CDIN1: variants seen among roughly 807,000 people sequenced by gnomAD.
CDIN1 encodes the protein CDAN1 interacting nuclease 1.
Under a neutral mutation model 45.3 loss-of-function variants are expected in CDIN1, and 33 were observed. The ratio of observed to expected loss-of-function variants is 0.73; its 90% CI spans 0.55 to 0.97. CDIN1 has a LOEUF of 0.97. CDIN1 is among the 50% of genes least tolerant of loss of function. The pLI, the probability that CDIN1 is intolerant of heterozygous loss-of-function variation, is 0.00. For missense variants in CDIN1, 303 were observed against 339.4 expected (o/e 0.89, Z 0.84); for synonymous variants, 118 against 124.4 (o/e 0.95, Z 0.34).
At chr15:36,619,351 G>C in intron 1 of CDIN1, 1 of 454,770 alleles carries the variant, frequency 2.2e-6, no homozygotes, top group Non-Finnish European at 3.8e-6. Flanking sequence ...TTGGAGGGGA[G>C]AGGGTAACCA....
In CDIN1 at chr15:36,604,418, TACACACACACACACACACACACACAC is replaced by T. The variant is rs144533313; in HGVS notation, c.101+24471_101+24496del. Among the ~76,000 whole-genome samples, 5 of 128,860 alleles carry T rather than the reference TACACACACACACACACACACACACAC, an allele frequency of 3.9e-5. No homozygotes were observed. In the East Asian group the frequency reaches 7.4e-4, roughly 19 times the overall value. The allele number at this position is 128,860 out of a possible 152,430, so 84.5% of individuals were successfully genotyped here. Reference sequence around the variant, plus strand: ...ATGTTCTTCTATGACTTTTAAAAGGTACACACACACACACACACACACACACACACACACACACATTTTAGAGTAAA... The same window carrying T: ...ATGTTCTTCTATGACTTTTAAAAGGTACACACACACACATTTTAGAGTAAA... On this transcript the variant is annotated intron_variant, in intron 1 of 10. Transcript: ENST00000566621.
intron 5 of CDIN1, among the ~76,000 whole-genome samples, chr15:36,664,755 C>G (rs1426192001): frequency 6.6e-6 from 1 of 152,124 alleles, no homozygotes; most frequent in Non-Finnish European, 1.5e-5. Flanking sequence ...ACCATGTTAG[C>G]CAGGATGGTC....
intron 5 of CDIN1, among the ~76,000 whole-genome samples, chr15:36,686,158 G>C (rs370559424): frequency 5.3e-5 from 8 of 151,990 alleles, no homozygotes; most frequent in African/African-American, 1.5e-4. Flanking sequence ...TTGGAACCAA[G>C]CCAAATGTCC....
At chr15:36,643,867 C>G (rs1267309125) in intron 1 of CDIN1, among the ~76,000 whole-genome samples, 1 of 152,216 alleles carries the variant, frequency 6.6e-6, no homozygotes, top group Non-Finnish European at 1.5e-5. Flanking sequence ...TGTCTGCTAA[C>G]AAAATTAATT....
At chr15:36,637,960 AAGG>A (rs2039967904) in intron 1 of CDIN1, among the ~76,000 whole-genome samples, 1 of 152,122 alleles carries the variant, frequency 6.6e-6, no homozygotes, top group Admixed American at 6.6e-5. Flanking sequence ...TGTGAGAGGG[AAGG>A]AGGGTAGTGA....
intron 8 of CDIN1, chr15:36,707,750 A>G (rs991604128): frequency 6.6e-6 from 1 of 152,196 alleles, no homozygotes; most frequent in Non-Finnish European, 1.5e-5. Context: ...CGGAAACATC[A>G]GCTTAAGGCA....
In CDIN1 at chr15:36,645,229, A is replaced by T; in HGVS notation, c.154A>T (p.Ile52Phe). ...SIFSQEYQKHIKRTHAKHHTS... is the reference protein window; with the variant it reads ...SIFSQEYQKHFKRTHAKHHTS... ...GTTGTTTTTTTTCTTTCAGAAACAC[A>T]TTAAAAGAACACATGCCAAACATCA... The change falls in exon 3 of 11, where the codon ATT (isoleucine) becomes TTT (phenylalanine). Residue 52 changes from isoleucine (I) to phenylalanine (F), a missense_variant. Ile to Phe is a conservative substitution (Grantham distance 21, BLOSUM62 0). Coordinates refer to ENST00000566621, the MANE Select transcript of CDIN1 (RefSeq NM_001321759.2). The T allele has an allele frequency of 6.4e-7, 1 of 1,552,040 alleles. No individual in the cohort carries two copies. The highest frequency in any genetic ancestry group is 1.4e-5 in the African/African-American group (1 of 73,168).
At chr15:36,746,922 CTA>C in intron 10 of CDIN1, 1 of 397,976 alleles carries the variant, frequency 2.5e-6, no homozygotes. Flanking sequence ...GCTAATTTTT[CTA>C]TGTTTTGTAG....
intron 1 of CDIN1, among the ~76,000 whole-genome samples, chr15:36,630,669 A>G (rs2039641636): frequency 6.6e-6 from 1 of 152,184 alleles, no homozygotes; most frequent in Non-Finnish European, 1.5e-5. Flanking sequence ...TATGTTATAA[A>G]GAAAAAAGCT....
intron 10 of CDIN1, among the ~76,000 whole-genome samples, chr15:36,722,591 C>T (rs145711951): frequency 1.3e-4 from 20 of 152,280 alleles, no homozygotes; most frequent in African/African-American, 4.6e-4. Context: ...TTCACAGCAG[C>T]TATGCTTTTT....
chr15:36,790,923 G>T (rs2054629151), intron 10 of CDIN1, among the ~76,000 whole-genome samples: 1 of 152,160 alleles, frequency 6.6e-6, no homozygotes, highest in Non-Finnish European at 1.5e-5. Flanking sequence ...ACAGGAGCTT[G>T]TTGTACAGAT....
intron 10 of CDIN1, among the ~76,000 whole-genome samples, chr15:36,750,848 C>T (rs1364796251): frequency 2.0e-5 from 3 of 152,074 alleles, no homozygotes; most frequent in Non-Finnish European, 4.4e-5. Flanking sequence ...ACCTACAAAA[C>T]TTATTAGGAA....
intron 10 of CDIN1, among the ~76,000 whole-genome samples, chr15:36,785,905 C>CAGAATA (rs2054478230): frequency 2.6e-5 from 4 of 152,096 alleles, no homozygotes; most frequent in Admixed American, 2.6e-4. Context: ...TGGCACAGAC[C>CAGAATA]CCTGTAAGAG....
At chr15:36,787,695 A>G (rs2054527124) in intron 10 of CDIN1, among the ~76,000 whole-genome samples, 1 of 152,134 alleles carries the variant, frequency 6.6e-6, no homozygotes, top group South Asian at 2.1e-4. Context: ...ATTAATTCTG[A>G]AAATTAGATT....
chr15:36,700,138 T>C (rs1034124686), intron 8 of CDIN1, among the ~76,000 whole-genome samples: 8 of 152,212 alleles, frequency 5.3e-5, no homozygotes, highest in Non-Finnish European at 1.2e-4. Context: ...TCTAACAGTT[T>C]CTGAGAGTCC....
Position 36,579,801 on chromosome 15 carries a change from C to T in CDIN1, c.-60C>T. 1 of 1,396,764 alleles carries T rather than the reference C, an allele frequency of 7.2e-7. No individual in the cohort carries two copies. The highest frequency in any genetic ancestry group is 9.9e-7 in the Non-Finnish European group (1 of 1,009,778). The allele number at this position is 1,396,764 out of a possible 1,614,324, so 86.5% of individuals were successfully genotyped here. Reference sequence around the variant, plus strand: ...TACCCCTCATCCCTCGGCACCAAGGCTACTTGAGCCCCAGGGTGTTTTTTC... The same window carrying T: ...TACCCCTCATCCCTCGGCACCAAGGTTACTTGAGCCCCAGGGTGTTTTTTC... On this transcript the variant is annotated 5_prime_UTR_variant, in exon 1 of 11. Transcript: ENST00000566621.
chr15:36,604,679 A>G (rs145020578), intron 1 of CDIN1, among the ~76,000 whole-genome samples: 370 of 152,314 alleles, frequency 2.4e-3, no homozygotes, highest in African/African-American at 8.6e-3. Flanking sequence ...CTTTAAAAAA[A>G]GCTTTTTCCC....
intron 3 of CDIN1, among the ~76,000 whole-genome samples, chr15:36,647,052 C>G (rs1052993271): frequency 8.8e-6 from 1 of 113,498 alleles, no homozygotes; most frequent in African/African-American, 3.5e-5. Context: ...GAGACAGTGT[C>G]TCTCTCTGTC....
At chr15:36,639,640 C>T (rs1389419533) in intron 1 of CDIN1, among the ~76,000 whole-genome samples, 2 of 152,106 alleles carry the variant, frequency 1.3e-5, no homozygotes, top group Non-Finnish European at 1.5e-5. Context: ...CAACTGTTTA[C>T]ACAGCATTTA....
Sources: gnomAD v4.1 joint callset for allele counts (sites outside exome capture counted in the v4.1 genomes callset) on GRCh38, gnomAD v4.1.1 for gene constraint, MANE v1.5 for transcripts, NCBI Gene and HGNC (gene_info 2026-07-23, HGNC 2026-07-21) for gene names.